The following RPAP3 variants were observed in gnomAD, a reference collection of about 807,000 sequenced individuals.
RPAP3 encodes RNA polymerase II-associated protein 3.
In RPAP3, 58 loss-of-function variants were observed where a neutral mutation model predicts 88.8. The ratio of observed to expected loss-of-function variants is 0.65; its 90% CI spans 0.53 to 0.81. RPAP3 has a LOEUF of 0.81. RPAP3 is among the 40% of genes least tolerant of loss of function. RPAP3 has a pLI of 0.00. For synonymous variants in RPAP3, 255 were observed against 259.9 expected, an observed-to-expected ratio of 0.98 and a Z score of 0.18; for missense variants, 751 against 764.3, an observed-to-expected ratio of 0.98 and a Z score of 0.20.
In RPAP3 at chr12:47,667,736, A is replaced by G. The variant is rs1212660968; in HGVS notation, c.1811+18T>C. The G allele has an allele frequency of 6.2e-6, 9 of 1,457,694 alleles. No homozygotes were observed. The Admixed American group carries it at 1.7e-4, about 27-fold the overall frequency. The allele number at this position is 1,457,694 out of a possible 1,614,324, so 90.3% of individuals were successfully genotyped here. A position where few individuals can be genotyped will look rare whatever the true frequency, so the allele number is the denominator to read the frequency against. Reference sequence around the variant, plus strand: ...TTAAGTGAGGACTTACTGTATAACTAAAAAAAACTTGACTTACTCAATGTA... The same window carrying G: ...TTAAGTGAGGACTTACTGTATAACTGAAAAAAACTTGACTTACTCAATGTA... On this transcript the variant is annotated intron_variant, in intron 15 of 16. Transcript: ENST00000005386.
chr12:47,679,643 C>T (rs763708601), intron 11 of RPAP3, 49 bp from the exon 12 acceptor site: 1 of 1,501,702 alleles, frequency 6.7e-7, no homozygotes, highest in South Asian at 1.2e-5. Flanking sequence ...TATTATACAA[C>T]AAATAAATAT....
chr12:47,702,767 A>G lies in RPAP3; in HGVS notation c.74T>C (p.Met25Thr). The change falls in exon 2 of 17, where the codon ATG (methionine) becomes ACG (threonine). Residue 25 changes from methionine (M) to threonine (T), a missense_variant. By Grantham distance (81) the Met-to-Thr change is moderately conservative (BLOSUM62 -1). Transcript: ENST00000005386. ...TTTTTCCCAGTTTTCTAAATCCCGCATAAAGTCTTGTAATTCTTCTGCATT... is the reference window on the plus strand; with the variant it reads ...TTTTTCCCAGTTTTCTAAATCCCGCGTAAAGTCTTGTAATTCTTCTGCATT... ...KQNAEELQDF[M>T]RDLENWEKDI... 1.2e-6 allele frequency: 2 copies of G among 1,612,824 alleles called. No individual in the cohort carries two copies. Among genetic ancestry groups the G allele is most frequent in the Non-Finnish European group, 1.7e-6 (2 of 1,179,076 alleles).
chr12:47,668,135 C>T (rs969748841), intron 14 of RPAP3, among the ~76,000 whole-genome samples: 11 of 152,122 alleles, frequency 7.2e-5, no homozygotes, highest in Non-Finnish European at 1.6e-4. Flanking sequence ...GCAGAGGTTG[C>T]GGTGAGCTGA....
intron 12 of RPAP3, among the ~76,000 whole-genome samples, chr12:47,677,068 G>A (rs1415578521): frequency 1.3e-5 from 2 of 152,122 alleles, no homozygotes; most frequent in Non-Finnish European, 2.9e-5. Context: ...TTCATCCCAG[G>A]GAAGAAAGGC....
At chr12:47,684,946 C>A (rs916799018) in intron 9 of RPAP3, among the ~76,000 whole-genome samples, 1 of 152,082 alleles carries the variant, frequency 6.6e-6, no homozygotes, top group Non-Finnish European at 1.5e-5. Context: ...GAGCTCCTAA[C>A]CTGAGATTGT....
intron 3 of RPAP3, among the ~76,000 whole-genome samples, chr12:47,700,636 GC>G (rs1308239149): frequency 6.6e-6 from 1 of 152,216 alleles, no homozygotes; most frequent in Non-Finnish European, 1.5e-5. Flanking sequence ...GACAGTGGCT[GC>G]TTGAAACACT....
chr12:47,661,342 C>T lies in RPAP3; in HGVS notation c.*2163G>A, dbSNP rs1372017056. The T allele has an allele frequency of 1.3e-5, 2 of 148,666 alleles. No homozygotes were observed. Among genetic ancestry groups the T allele is most frequent in the Non-Finnish European group, 3.0e-5 (2 of 67,334 alleles). The allele number at this position is 148,666 out of a possible 1,614,324, so 9.2% of individuals were successfully genotyped here. ...CCTAAAGACTGTTCTTTATTCTAAT[C>T]ACTTTTAGGAAATGTTGGTAATTGT... On this transcript the variant is annotated 3_prime_UTR_variant, in exon 17 of 17. Transcript: ENST00000005386.
intron 6 of RPAP3, 84 bp downstream of exon 6, chr12:47,690,434 T>C (rs959505486): frequency 2.7e-6 from 3 of 1,124,500 alleles, no homozygotes; most frequent in African/African-American, 1.6e-5. Context: ...CTGAAGGTAG[T>C]AACTGTGATT....
At chr12:47,677,378 G>A (rs567952092) in intron 12 of RPAP3, among the ~76,000 whole-genome samples, 13 of 152,096 alleles carry the variant, frequency 8.5e-5, no homozygotes, top group Non-Finnish European at 1.8e-4. Flanking sequence ...ACACAATGTC[G>A]GAAGTTCTGG....
At chr12:47,701,275 T>C (rs1005712344) in intron 3 of RPAP3, 189 bp downstream of exon 3, 10 of 384,018 alleles carry the variant, frequency 2.6e-5, no homozygotes, top group African/African-American at 1.7e-4. Flanking sequence ...TGAAAGAGGA[T>C]TGCAGAAAAA....
rs1278355304 is a variant in RPAP3 at position 47,686,874 on chromosome 12, T to TTTCA, written c.894_897dup (p.Arg300Ter). ...CCTCGAGTATAGCATTCAATTGCTC[T>TTTCA]TTCATATTTCCCCTCTTTGAAAAAT... On this transcript the variant is annotated stop_gained and frameshift_variant, in exon 9 of 17. Transcript: ENST00000005386. LOFTEE classifies it high-confidence loss of function. 1 of 1,602,590 alleles carries TTTCA rather than the reference T, an allele frequency of 6.2e-7. No homozygotes were observed. The highest frequency in any genetic ancestry group is 1.3e-5 in the African/African-American group (1 of 74,638).
intron 7 of RPAP3, 104 bp downstream of exon 7, chr12:47,689,021 G>GA (rs1939377415): frequency 1.6e-6 from 1 of 613,684 alleles, no homozygotes; most frequent in South Asian, 1.9e-5. Context: ...ATTAAAATTA[G>GA]AAAATCTCAA....
intron 12 of RPAP3, among the ~76,000 whole-genome samples, chr12:47,677,785 TAGGA>T (rs1378598828): frequency 1.3e-5 from 2 of 152,230 alleles, no homozygotes; most frequent in Non-Finnish European, 2.9e-5. Flanking sequence ...TGCTCATGGA[TAGGA>T]AGAATCAATA....
At chr12:47,685,378 C>CA (rs11416118) in intron 9 of RPAP3, among the ~76,000 whole-genome samples, 41,684 of 130,220 alleles carry the variant, frequency 0.32, 6,768 homozygotes, top group Non-Finnish European at 0.41. Context: ...GACTCTGTCT[C>CA]AAAAAAAAAA....
rs1345340407 is a variant in RPAP3 at position 47,690,568 on chromosome 12, C to G, written c.617G>C (p.Arg206Thr). Reference protein sequence around the residue: ...LNRSYTKAYSRRGAARFALQK... With the variant: ...LNRSYTKAYSTRGAARFALQK... ...CAAAGCAAATCGAGCAGCACCTCGT[C>G]TGGAATAAGCCTTTGTATAACTTCT... Residue 206 changes from arginine (R) to threonine (T), a missense_variant, in exon 6 of 17, where the codon AGA becomes ACA. Physicochemically the swap from Arg to Thr is moderately conservative, Grantham distance 71. Transcript: ENST00000005386. 1 of 1,605,238 alleles carries G rather than the reference C, an allele frequency of 6.2e-7. No individual in the cohort carries two copies. Among genetic ancestry groups the G allele is most frequent in the African/African-American group, 1.3e-5 (1 of 74,744 alleles).
chr12:47,704,237 T>C (rs953502545), intron 1 of RPAP3, among the ~76,000 whole-genome samples: 12 of 152,046 alleles, frequency 7.9e-5, no homozygotes, highest in South Asian at 4.1e-4. Context: ...ACCTAGACAG[T>C]TGGGAGAAAA....
At chr12:47,664,823 T>C (rs1938834387) in intron 16 of RPAP3, 1 of 152,272 alleles carries the variant, frequency 6.6e-6, no homozygotes, top group South Asian at 2.1e-4. Context: ...ACAAAGTTCC[T>C]GCTGTCATGG....
At chr12:47,691,477 A>C (rs181194115) in intron 5 of RPAP3, among the ~76,000 whole-genome samples, 31 of 152,352 alleles carry the variant, frequency 2.0e-4, no homozygotes, top group African/African-American at 7.0e-4. Context: ...GGACATTCTT[A>C]ATGGCATCTA....
intron 3 of RPAP3, among the ~76,000 whole-genome samples, chr12:47,698,772 A>G (rs1242381205): frequency 6.6e-6 from 1 of 152,182 alleles, no homozygotes; most frequent in Non-Finnish European, 1.5e-5. Context: ...TCAGCCTCCC[A>G]AAGTGTTGGG....
Sources: allele counts gnomAD v4.1 joint callset (sites outside exome capture counted in the v4.1 genomes callset), GRCh38; gene constraint gnomAD v4.1.1; transcripts MANE v1.5; gene names NCBI Gene and HGNC (gene_info 2026-07-23, HGNC 2026-07-21).